The following CTDSPL variants were observed in gnomAD, a reference collection of about 807,000 sequenced individuals.
The protein encoded by CTDSPL is CTD small phosphatase-like protein.
In CTDSPL, 8 loss-of-function variants were observed where a neutral mutation model predicts 30.5. The ratio of observed to expected loss-of-function variants is 0.26; its 90% confidence interval spans 0.15 to 0.47. The LOEUF is 0.47. Among genes scored for constraint, CTDSPL ranks in the 20% least tolerant of loss-of-function variants. CTDSPL has a pLI of 0.99. For missense variants in CTDSPL, 248 were observed against 366.1 expected (o/e 0.68, Z 2.63); for synonymous variants, 110 against 137.9 (o/e 0.80, Z 1.42).
At chr3:37,913,784 T>A (rs1698611067) in intron 1 of CTDSPL, among the ~76,000 whole-genome samples, 1 of 152,236 alleles carries the variant, frequency 6.6e-6, no homozygotes, top group African/African-American at 2.4e-5. Context: ...TGAACATATA[T>A]GTGCCTGAGT....
chr3:37,882,947 A>G (rs1245337152), intron 1 of CTDSPL, among the ~76,000 whole-genome samples: 2 of 152,138 alleles, frequency 1.3e-5, no homozygotes, highest in African/African-American at 2.4e-5. Context: ...TTTGGAGCCA[A>G]GTTGGTTTTG....
chr3:37,933,619 A>T (rs1698881713), intron 1 of CTDSPL, among the ~76,000 whole-genome samples: 1 of 152,196 alleles, frequency 6.6e-6, no homozygotes, highest in South Asian at 2.1e-4. Context: ...TTACTAGCTA[A>T]GTCATCTTGG....
chr3:37,914,592 T>G (rs1698622248), intron 1 of CTDSPL, among the ~76,000 whole-genome samples: 1 of 152,252 alleles, frequency 6.6e-6, no homozygotes, highest in South Asian at 2.1e-4. Flanking sequence ...TATGATCATT[T>G]GATTCACCCC....
intron 1 of CTDSPL, among the ~76,000 whole-genome samples, chr3:37,927,684 G>A (rs7642523): frequency 0.13 from 15,561 of 116,598 alleles, 1,443 homozygotes; most frequent in African/African-American, 0.29. Flanking sequence ...GTGTGTATGT[G>A]TATATATATA....
intron 1 of CTDSPL, among the ~76,000 whole-genome samples, chr3:37,886,401 A>C (rs888299862): frequency 6.6e-6 from 1 of 152,132 alleles, no homozygotes; most frequent in South Asian, 2.1e-4. Flanking sequence ...CACAATGACC[A>C]GTCCCATCCA....
intron 6 of CTDSPL, among the ~76,000 whole-genome samples, chr3:37,972,498 A>G (rs995284636): frequency 2.0e-5 from 3 of 152,156 alleles, no homozygotes; most frequent in Non-Finnish European, 4.4e-5. Flanking sequence ...AAAAATATAT[A>G]TACATATATT....
chr3:37,941,587 G>T (rs113982285), intron 1 of CTDSPL, among the ~76,000 whole-genome samples: 1 of 149,616 alleles, frequency 6.7e-6, no homozygotes, highest in Non-Finnish European at 1.5e-5. Flanking sequence ...ACAGGGTTTC[G>T]CCATGTTGTC....
At chr3:37,883,617 A>G (rs1431681187) in intron 1 of CTDSPL, among the ~76,000 whole-genome samples, 3 of 152,200 alleles carry the variant, frequency 2.0e-5, no homozygotes, top group African/African-American at 7.2e-5. Flanking sequence ...GGCCTCAAAC[A>G]GGTTGAGGAA....
At position 37,971,387 on chromosome 3, in the gene CTDSPL, G is replaced by A. The variant is rs777388728; in HGVS notation, c.427-20G>A. 14 of 1,610,552 alleles carry A rather than the reference G, an allele frequency of 8.7e-6. No individual in the cohort carries two copies. The highest frequency in any genetic ancestry group is 4.4e-5 in the South Asian group (4 of 90,536). Reference sequence around the variant, plus strand: ...AGCAACTGCCACATCTGACCAGCCTGCTGTCTCCTGCCATTGCAGGTGTAT... The same window carrying A: ...AGCAACTGCCACATCTGACCAGCCTACTGTCTCCTGCCATTGCAGGTGTAT... On this transcript the variant is annotated intron_variant, in intron 5 of 7. Transcript: ENST00000273179.
intron 1 of CTDSPL, among the ~76,000 whole-genome samples, chr3:37,891,207 C>T (rs1207526336): frequency 6.6e-6 from 1 of 152,192 alleles, no homozygotes; most frequent in Non-Finnish European, 1.5e-5. Context: ...AGGGAGTGAC[C>T]TTTCCATACA....
intron 1 of CTDSPL, among the ~76,000 whole-genome samples, chr3:37,882,694 T>C (rs1698221463): frequency 6.6e-6 from 1 of 152,158 alleles, no homozygotes; most frequent in African/African-American, 2.4e-5. Context: ...TGCCTTCACA[T>C]ACAGATGAAC....
intron 1 of CTDSPL, among the ~76,000 whole-genome samples, chr3:37,866,085 T>C (rs1575272829): frequency 6.6e-6 from 1 of 152,224 alleles, no homozygotes. Flanking sequence ...CAAAGAAACA[T>C]GTACAAGGAT....
intron 3 of CTDSPL, among the ~76,000 whole-genome samples, chr3:37,958,549 C>T (rs560134371): frequency 1.3e-5 from 2 of 152,238 alleles, no homozygotes; most frequent in Non-Finnish European, 2.9e-5. Flanking sequence ...TTGGCAGCCA[C>T]GTGCAAAGTT....
chr3:37,944,153 C>G (rs1012382672), intron 1 of CTDSPL, among the ~76,000 whole-genome samples: 1 of 150,252 alleles, frequency 6.7e-6, no homozygotes, highest in Non-Finnish European at 1.5e-5. Flanking sequence ...TTACTCCCCC[C>G]CCATTATTAG....
chr3:37,946,888 C>T (rs1161377975), intron 1 of CTDSPL, among the ~76,000 whole-genome samples, 169 bp from the exon 2 acceptor site: 4 of 152,200 alleles, frequency 2.6e-5, no homozygotes. Flanking sequence ...ATTTGATTCA[C>T]AGTTCTTTAG....
intron 1 of CTDSPL, among the ~76,000 whole-genome samples, chr3:37,935,887 G>T (rs911295974): frequency 6.6e-6 from 1 of 152,162 alleles, no homozygotes; most frequent in East Asian, 1.9e-4. Context: ...GGTTGTTCTG[G>T]CTTTGAACCC....
intron 1 of CTDSPL, among the ~76,000 whole-genome samples, chr3:37,889,414 T>C (rs998563271): frequency 1.3e-5 from 2 of 152,074 alleles, no homozygotes; most frequent in African/African-American, 4.8e-5. Flanking sequence ...TAAAATGTAA[T>C]AGAAGGGCTA....
chr3:37,944,163 G>A (rs1699010278), intron 1 of CTDSPL, among the ~76,000 whole-genome samples: 1 of 150,274 alleles, frequency 6.7e-6, no homozygotes, highest in Admixed American at 6.7e-5. Flanking sequence ...CCCATTATTA[G>A]AGCAATACAT....
intron 3 of CTDSPL, among the ~76,000 whole-genome samples, chr3:37,957,773 C>T (rs957084214): frequency 2.0e-5 from 3 of 152,296 alleles, no homozygotes; most frequent in Non-Finnish European, 2.9e-5. Context: ...ACCCCAGCAC[C>T]GTCCTGCACC....
Sources: gnomAD v4.1 joint callset for allele counts (sites outside exome capture counted in the v4.1 genomes callset) on GRCh38, gnomAD v4.1.1 for gene constraint, MANE v1.5 for transcripts, NCBI Gene and HGNC (gene_info 2026-07-23, HGNC 2026-07-21) for gene names.